Variants in SAMD4A observed in about 807,000 individuals in gnomAD.
SAMD4A encodes the protein sterile alpha motif domain containing 4A, also known as protein Smaug homolog 1.
A neutral mutation model predicts 81.3 loss-of-function variants in SAMD4A; 33 were observed. The observed-to-expected ratio is 0.41, with a 90% confidence interval of 0.31 to 0.54. SAMD4A has a LOEUF of 0.54. Ranked by LOEUF, SAMD4A falls within the 20% of genes least tolerant of loss-of-function variation. SAMD4A has a pLI of 0.37. For missense variants in SAMD4A, 854 were observed against 951.1 expected (o/e 0.90, Z 1.34); for synonymous variants, 389 against 382.1 (o/e 1.02, Z -0.21).
At chr14:54,609,487 A>G (rs1220683661) in intron 2 of SAMD4A, among the ~76,000 whole-genome samples, 1 of 152,262 alleles carries the variant, frequency 6.6e-6, no homozygotes, top group Non-Finnish European at 1.5e-5. Context: ...AATTTGTGGT[A>G]ATCTGTTACA....
At chr14:54,719,425 C>T (rs1364583230) in intron 3 of SAMD4A, among the ~76,000 whole-genome samples, 1 of 152,134 alleles carries the variant, frequency 6.6e-6, no homozygotes, top group Non-Finnish European at 1.5e-5. Flanking sequence ...CCAAATTGTT[C>T]CAGCTCTGAT....
intron 2 of SAMD4A, among the ~76,000 whole-genome samples, chr14:54,658,542 G>A (rs566125401): frequency 5.3e-4 from 80 of 152,266 alleles, no homozygotes; most frequent in South Asian, 1.0e-3. Flanking sequence ...CATGGGACCC[G>A]TATGTCCAAA....
intron 3 of SAMD4A, among the ~76,000 whole-genome samples, chr14:54,725,446 T>A (rs1010484108): frequency 6.6e-6 from 1 of 152,226 alleles, no homozygotes; most frequent in South Asian, 2.1e-4. Context: ...TAGGTGAAGA[T>A]TTTGAAAGAG....
At chr14:54,618,764 C>A (rs1041571412) in intron 2 of SAMD4A, among the ~76,000 whole-genome samples, 70 of 152,220 alleles carry the variant, frequency 4.6e-4, no homozygotes, top group Middle Eastern at 3.4e-3. Context: ...CATTTCTTTT[C>A]CCCCTTTTCC....
chr14:54,689,736 G>A (rs1329399964), intron 2 of SAMD4A: 4 of 152,376 alleles, frequency 2.6e-5, no homozygotes, highest in South Asian at 2.1e-4. Flanking sequence ...CTTGGGCTCC[G>A]ATTGTCCAGG....
At chr14:54,660,333 A>G (rs184690468) in intron 2 of SAMD4A, among the ~76,000 whole-genome samples, 2 of 152,364 alleles carry the variant, frequency 1.3e-5, no homozygotes, top group African/African-American at 4.8e-5. Context: ...CCCAGAGAGT[A>G]ATGGGCCAGG....
intron 3 of SAMD4A, among the ~76,000 whole-genome samples, chr14:54,715,441 A>T (rs8010143): frequency 0.98 from 149,374 of 152,146 alleles, 73,396 homozygotes; most frequent in Middle Eastern, 1. Context: ...GTGGGATGTG[A>T]CAAAGCCAGG....
At chr14:54,755,805 A>G (rs2038224303) in intron 6 of SAMD4A, among the ~76,000 whole-genome samples, 1 of 152,206 alleles carries the variant, frequency 6.6e-6, no homozygotes, top group Non-Finnish European at 1.5e-5. Context: ...TTCAACATTT[A>G]TCTTGAGTAA....
At chr14:54,582,772 G>A (rs2033505386) in intron 2 of SAMD4A, among the ~76,000 whole-genome samples, 1 of 152,140 alleles carries the variant, frequency 6.6e-6, no homozygotes, top group Admixed American at 6.5e-5. Context: ...GTCACACCAG[G>A]AAATGTCCTT....
At chr14:54,575,843 G>A (rs886395715) in intron 2 of SAMD4A, among the ~76,000 whole-genome samples, 5 of 151,858 alleles carry the variant, frequency 3.3e-5, no homozygotes, top group East Asian at 3.9e-4. Flanking sequence ...TTCTCTCACC[G>A]GCTCTTTGAA....
intron 2 of SAMD4A, among the ~76,000 whole-genome samples, chr14:54,690,922 T>C (rs2036416782): frequency 6.6e-6 from 1 of 152,188 alleles, no homozygotes; most frequent in South Asian, 2.1e-4. Flanking sequence ...CCAAACTCCC[T>C]GGACATAGGG....
At chr14:54,628,441 C>A (rs2034817383) in intron 2 of SAMD4A, among the ~76,000 whole-genome samples, 1 of 152,152 alleles carries the variant, frequency 6.6e-6, no homozygotes, top group South Asian at 2.1e-4. Context: ...CAGTATAACT[C>A]TGCATCAGAT....
At chr14:54,608,012 T>C (rs1199898632) in intron 2 of SAMD4A, among the ~76,000 whole-genome samples, 1 of 105,998 alleles carries the variant, frequency 9.4e-6, no homozygotes, top group Non-Finnish European at 1.8e-5. Context: ...CAAGACTCCG[T>C]CTCAAAAAAA....
chr14:54,662,805 T>A (rs914655989), intron 2 of SAMD4A, among the ~76,000 whole-genome samples: 4 of 152,096 alleles, frequency 2.6e-5, no homozygotes, highest in Non-Finnish European at 5.9e-5. Flanking sequence ...GTGGGGCTGC[T>A]ATGGCCCTGC....
chr14:54,629,433 C>T (rs1483187060), intron 2 of SAMD4A, among the ~76,000 whole-genome samples: 1 of 152,192 alleles, frequency 6.6e-6, no homozygotes, highest in African/African-American at 2.4e-5. Flanking sequence ...GTACCAGATT[C>T]AATCAGTAAG....
chr14:54,766,199 C>G (rs2038538453), intron 8 of SAMD4A, among the ~76,000 whole-genome samples: 1 of 152,180 alleles, frequency 6.6e-6, no homozygotes, highest in Admixed American at 6.5e-5. Flanking sequence ...CAAGCCTTGA[C>G]TAATCCTTTT....
chr14:54,706,552 C>G (rs1254969490), intron 3 of SAMD4A, among the ~76,000 whole-genome samples: 1 of 150,760 alleles, frequency 6.6e-6, no homozygotes, highest in Non-Finnish European at 1.5e-5. Flanking sequence ...TTGTAGTGAG[C>G]CGAGGTGGTG....
chr14:54,626,103 A>T (rs1350092539), intron 2 of SAMD4A, among the ~76,000 whole-genome samples: 2 of 150,870 alleles, frequency 1.3e-5, no homozygotes, highest in African/African-American at 4.9e-5. Context: ...TGCATGAGGG[A>T]CAGAAAGAGA....
intron 2 of SAMD4A, among the ~76,000 whole-genome samples, chr14:54,603,182 G>A (rs891916731): frequency 6.6e-6 from 1 of 152,144 alleles, no homozygotes; most frequent in African/African-American, 2.4e-5. Flanking sequence ...AAGACTGTTG[G>A]GTTTTCCTTT....
Sources: allele counts gnomAD v4.1 joint callset (sites outside exome capture counted in the v4.1 genomes callset), GRCh38; gene constraint gnomAD v4.1.1; transcripts MANE v1.5; gene names NCBI Gene and HGNC (gene_info 2026-07-23, HGNC 2026-07-21).